The following ALK variants were observed in gnomAD, a reference collection of about 807,000 sequenced individuals.
ALK encodes the protein ALK receptor tyrosine kinase, also known as ALK tyrosine kinase receptor.
ALK carries 74 observed loss-of-function variants against 163.1 expected under a neutral mutation model. The ratio of observed to expected loss-of-function variants is 0.45; its 90% CI spans 0.38 to 0.55. The LOEUF (loss-of-function observed/expected upper bound fraction) is 0.55, where lower values mean the gene tolerates loss of function less well. Ranked by LOEUF, ALK falls within the 20% of genes least tolerant of loss-of-function variation. The pLI is 0.00. For missense variants in ALK, 2,063 were observed against 2,105.3 expected (o/e 0.98, Z 0.39); for synonymous variants, 960 against 843.2 (o/e 1.14, Z -2.40).
intron 6 of ALK, among the ~76,000 whole-genome samples, chr2:29,323,683 AG>A (rs910339595): frequency 6.6e-6 from 1 of 152,332 alleles, no homozygotes; most frequent in African/African-American, 2.4e-5. Flanking sequence ...TGGTGGGTTA[AG>A]GTTAAGAGTC....
At chr2:29,805,416 G>A (rs966874084) in intron 1 of ALK, among the ~76,000 whole-genome samples, 1 of 152,012 alleles carries the variant, frequency 6.6e-6, no homozygotes, top group African/African-American at 2.4e-5. Flanking sequence ...GTGTGCCATG[G>A]TAGTTTGCTG....
chr2:29,508,837 C>T (rs1322525446), intron 4 of ALK, among the ~76,000 whole-genome samples: 1 of 150,832 alleles, frequency 6.6e-6, no homozygotes. Flanking sequence ...GATTCACAGG[C>T]ACAACAAATG....
At chr2:29,498,119 G>A (rs1672078043) in intron 4 of ALK, among the ~76,000 whole-genome samples, 1 of 152,128 alleles carries the variant, frequency 6.6e-6, no homozygotes, top group South Asian at 2.1e-4. Context: ...AAAGAATTAT[G>A]AGTCTCAGTA....
chr2:29,852,359 C>A (rs1479580339), intron 1 of ALK, among the ~76,000 whole-genome samples: 1 of 152,132 alleles, frequency 6.6e-6, no homozygotes, highest in South Asian at 2.1e-4. Context: ...CCTCCTTAAC[C>A]CCTTCAGACT....
At chr2:29,727,965 G>A (rs1022610022) in intron 1 of ALK, among the ~76,000 whole-genome samples, 4 of 152,112 alleles carry the variant, frequency 2.6e-5, no homozygotes, top group Non-Finnish European at 5.9e-5. Context: ...AAGTCATCTC[G>A]TTAGTGAAAA....
At chr2:29,266,762 G>A (rs1212981608) in intron 11 of ALK, among the ~76,000 whole-genome samples, 1 of 152,204 alleles carries the variant, frequency 6.6e-6, no homozygotes, top group African/African-American at 2.4e-5. Flanking sequence ...CTCAGTAGGT[G>A]CTTCGTGACT....
At chr2:29,516,376 G>A (rs1002570623) in intron 4 of ALK, among the ~76,000 whole-genome samples, 3 of 152,222 alleles carry the variant, frequency 2.0e-5, no homozygotes, top group African/African-American at 4.8e-5. Flanking sequence ...CATATGTGGT[G>A]AGGCTTTGCC....
intron 12 of ALK, among the ~76,000 whole-genome samples, chr2:29,245,715 C>T (rs1254609537): frequency 9.2e-6 from 1 of 108,498 alleles, no homozygotes; most frequent in Non-Finnish European, 1.8e-5. Flanking sequence ...CTGCACACAG[C>T]AGGGCTCCAT....
intron 5 of ALK, among the ~76,000 whole-genome samples, chr2:29,364,978 T>C (rs1164718558): frequency 6.6e-6 from 1 of 152,232 alleles, no homozygotes; most frequent in African/African-American, 2.4e-5. Flanking sequence ...GTTGTCTCAC[T>C]GAGTCTAAAC....
At position 29,445,257 on chromosome 2, in the gene ALK, A is replaced by G. The variant is rs187468729; in HGVS notation, c.1155-61398T>C. Among the ~76,000 whole-genome samples, 34 of 152,352 alleles carry G rather than the reference A, an allele frequency of 2.2e-4. No individual in the cohort carries two copies. The East Asian group carries it at 5.2e-3, about 23-fold the overall frequency. ...AAAGTCTAAAAATAAATTTCACACA[A>G]TGCAATGAAAAAGGTCCCATGGAGA... On this transcript the variant is annotated intron_variant, in intron 4 of 28. Coordinates refer to ENST00000389048, the MANE Select transcript of ALK (RefSeq NM_004304.5).
chr2:29,203,485 C>CTTTTTTATTTTTTTTTTTTTTTTTTT (rs1669232619), intron 26 of ALK, among the ~76,000 whole-genome samples: 1 of 32,544 alleles, frequency 3.1e-5, no homozygotes, highest in Non-Finnish European at 5.2e-5. Flanking sequence ...GAGGATGTGC[C>CTTTTTTATTTTTTTTTTTTTTTTTTT]TTTTTTTTTT....
intron 1 of ALK, among the ~76,000 whole-genome samples, chr2:29,722,946 A>G (rs1258172621): frequency 1.3e-5 from 2 of 152,134 alleles, no homozygotes; most frequent in East Asian, 1.9e-4. Flanking sequence ...CACACCCCAC[A>G]TCAATTCATC....
At chr2:29,820,379 AC>A (rs1665015511) in intron 1 of ALK, among the ~76,000 whole-genome samples, 1 of 152,110 alleles carries the variant, frequency 6.6e-6, no homozygotes, top group Non-Finnish European at 1.5e-5. Flanking sequence ...CTTGACTGCA[AC>A]CTCAGAAAAG....
At chr2:29,704,674 ATTC>A in intron 2 of ALK, among the ~76,000 whole-genome samples, 1 of 152,258 alleles carries the variant, frequency 6.6e-6, no homozygotes, top group East Asian at 1.9e-4. Context: ...TCCTGCATGT[ATTC>A]TTCTGCCAAC....
At position 29,831,266 on chromosome 2, in the gene ALK, G is replaced by GAAGAAGAAGAAGAAT. The variant is rs1558509106; in HGVS notation, c.667+88726_667+88727insATTCTTCTTCTTCTT. Among the ~76,000 whole-genome samples the GAAGAAGAAGAAGAAT allele has an allele frequency of 1.5e-3, 134 of 89,830 alleles. 22 individuals carry two copies. The highest frequency in any genetic ancestry group is 2.9e-3 in the African/African-American group (75 of 25,986). The allele number at this position is 89,830 out of a possible 152,430, so 58.9% of individuals were successfully genotyped here. On this transcript the variant is annotated intron_variant, in intron 1 of 28. Transcript: ENST00000389048. ...AGAAGAGGAAGAGGAAGAGGAAGAAGAAGAAGAAGAAGAAGAAGAAGAAGA... is the reference window on the plus strand; with the variant it reads ...AGAAGAGGAAGAGGAAGAGGAAGAAGAAGAAGAAGAAGAATAAGAAGAAGAAGAAGAAGAAGAAGA...
intron 1 of ALK, among the ~76,000 whole-genome samples, chr2:29,810,576 G>A (rs1163289253): frequency 2.0e-5 from 3 of 152,166 alleles, no homozygotes; most frequent in African/African-American, 7.2e-5. Flanking sequence ...GAGATCAGGG[G>A]CAGAGTCAGA....
At chr2:29,459,630 AG>A (rs532325758) in intron 4 of ALK, among the ~76,000 whole-genome samples, 45 of 152,164 alleles carry the variant, frequency 3.0e-4, no homozygotes, top group South Asian at 2.7e-3. Context: ...CAACTTCCAG[AG>A]GTAGAGGACT....
intron 1 of ALK, among the ~76,000 whole-genome samples, chr2:29,831,711 G>T (rs77881518): frequency 6.6e-6 from 1 of 152,090 alleles, no homozygotes; most frequent in Non-Finnish European, 1.5e-5. Flanking sequence ...ACCTGTCTAG[G>T]CTATAGTTTC....
intron 1 of ALK, among the ~76,000 whole-genome samples, chr2:29,763,275 C>T (rs2631945): frequency 1.3e-5 from 2 of 152,058 alleles, no homozygotes; most frequent in South Asian, 4.2e-4. Context: ...ACATGAAATG[C>T]ATGGTATCAG....
Sources: allele counts gnomAD v4.1 joint callset (sites outside exome capture counted in the v4.1 genomes callset), GRCh38; gene constraint gnomAD v4.1.1; transcripts MANE v1.5; gene names NCBI Gene and HGNC (gene_info 2026-07-23, HGNC 2026-07-21).